PVALEF: variants seen among roughly 807,000 people sequenced by gnomAD.
The protein encoded by PVALEF is parvalbumin like EF-hand containing.
Under a neutral mutation model 1.2 loss-of-function variants are expected in PVALEF, and 2 were observed. The ratio of observed to expected loss-of-function variants is 1.68; its 90% CI spans 0.69 to 5.28. PVALEF has a LOEUF of 5.28. Ranked by LOEUF, PVALEF falls within the 30% of genes most tolerant of loss-of-function variation. The pLI is 0.06. For missense variants in PVALEF, 35 were observed against 17.7 expected, an observed-to-expected ratio of 1.97 and a Z score of -1.75; for synonymous variants, 16 against 6.5, an observed-to-expected ratio of 2.47 and a Z score of -2.24.
intron 3 of PVALEF, 87 bp from the exon 4 acceptor site, chr17:81,181,036 C>G: frequency 1.9e-6 from 1 of 540,352 alleles, no homozygotes; most frequent in Non-Finnish European, 3.3e-6. Context: ...GCCCAGACCC[C>G]CACCTGCCTG....
At chr17:81,167,315 A>C (rs1467705961) in intron 2 of PVALEF, among the ~76,000 whole-genome samples, 1 of 151,820 alleles carries the variant, frequency 6.6e-6, no homozygotes, top group African/African-American at 2.4e-5. Context: ...GGAGACTTGC[A>C]GTTGAGTTTG....
intron 1 of PVALEF, 80 bp downstream of exon 1, chr17:81,165,827 G>A (rs2061482260): frequency 2.6e-6 from 4 of 1,512,690 alleles, no homozygotes; most frequent in African/African-American, 1.4e-5. Context: ...GCTGGGCTCG[G>A]GGCGGGGAAA....
chr17:81,178,547 A>C (rs900798189), intron 2 of PVALEF, among the ~76,000 whole-genome samples: 42 of 151,660 alleles, frequency 2.8e-4, no homozygotes, highest in African/African-American at 1.0e-3. Context: ...CCCCACCCCC[A>C]CCGGCCTGCA....
rs74459181 is a variant in PVALEF at position 81,181,712 on chromosome 17, C to T, written c.242+18C>T. 3 of 399,782 alleles carry T rather than the reference C, an allele frequency of 7.5e-6. No individual in the cohort carries two copies. Among genetic ancestry groups the T allele is most frequent in the Non-Finnish European group, 1.3e-5 (3 of 226,932 alleles). The allele number at this position is 399,782 out of a possible 1,614,324, so 24.8% of individuals were successfully genotyped here. ...GAGATCAAGTAATGGCTGGCGGCCA[C>T]GGAGGGGTGGGGCCCAGGCCACCCA... On this transcript the variant is annotated intron_variant, in intron 5 of 6. Coordinates refer to ENST00000637878, the MANE Select transcript of PVALEF (RefSeq NM_001354639.2).
chr17:81,170,467 C>T (rs2061517171), intron 2 of PVALEF, among the ~76,000 whole-genome samples: 1 of 152,064 alleles, frequency 6.6e-6, no homozygotes, highest in Non-Finnish European at 1.5e-5. Context: ...GCTGCAAGGA[C>T]CCTACTTCCA....
At chr17:81,182,420 G>A (rs895590119) in intron 6 of PVALEF, among the ~76,000 whole-genome samples, 1 of 152,226 alleles carries the variant, frequency 6.6e-6, no homozygotes, top group African/African-American at 2.4e-5. Flanking sequence ...AACCCCAGTG[G>A]CTGGCCACAG....
chr17:81,166,029 G>T lies in PVALEF; in HGVS notation c.-508+282G>T, dbSNP rs772031023. 16 of 1,501,920 alleles carry T rather than the reference G, an allele frequency of 1.1e-5. 1 individual carries two copies. Among genetic ancestry groups the T allele is most frequent in the Non-Finnish European group, 1.3e-5 (15 of 1,124,106 alleles). 93.0% of individuals were successfully genotyped at this position (1,501,920 alleles called of 1,614,324 possible). A position where few individuals can be genotyped will look rare whatever the true frequency, so the allele number is the denominator to read the frequency against. On this transcript the variant is annotated intron_variant, in intron 1 of 6. Coordinates refer to ENST00000637878, the MANE Select transcript of PVALEF (RefSeq NM_001354639.2). ...CGGCCGGCGGGCATCCCGGGAGGGC[G>T]CTGCGCTCAGGACGCCCGCGGCCCC... is the stretch of plus-strand genomic sequence containing the variant.
Position 81,165,727 on chromosome 17 carries a change from C to A in PVALEF, c.-528C>A, listed in dbSNP as rs1174590595. On this transcript the variant is annotated 5_prime_UTR_variant, in exon 1 of 7. Transcript: ENST00000637878. ...CGGAGTCACGACCACGCGGGGGACG[C>A]CAGCCCACAGGCGGAGGCCGGTTTG... 2 of 1,523,526 alleles carry A rather than the reference C, an allele frequency of 1.3e-6. No individual in the cohort carries two copies. Among genetic ancestry groups the A allele is most frequent in the Non-Finnish European group, 1.8e-6 (2 of 1,137,726 alleles). The allele number at this position is 1,523,526 out of a possible 1,614,324, so 94.4% of individuals were successfully genotyped here.
At chr17:81,170,155 TGTG>T (rs568986011) in intron 2 of PVALEF, among the ~76,000 whole-genome samples, 147 of 150,246 alleles carry the variant, frequency 9.8e-4, no homozygotes, top group Admixed American at 2.8e-3. Flanking sequence ...TGTGTGCATA[TGTG>T]GTGTGTGTGC....
intron 6 of PVALEF, 33 bp from the exon 7 acceptor site, chr17:81,182,932 G>A (rs2061559762): frequency 4.3e-5 from 17 of 398,514 alleles, no homozygotes; most frequent in Admixed American, 2.2e-4. Flanking sequence ...CACAAAACAG[G>A]GGTACTTACT....
intron 2 of PVALEF, among the ~76,000 whole-genome samples, chr17:81,173,149 G>C (rs1030695846): frequency 6.6e-6 from 1 of 152,164 alleles, no homozygotes; most frequent in African/African-American, 2.4e-5. Context: ...AGATGCCGGC[G>C]AGGGGAGAGG....
chr17:81,177,442 G>C (rs2061539446), intron 2 of PVALEF, among the ~76,000 whole-genome samples: 1 of 151,796 alleles, frequency 6.6e-6, no homozygotes, highest in Non-Finnish European at 1.5e-5. Context: ...CAGCTACTTG[G>C]GAGTTTGAGA....
At chr17:81,172,938 C>A (rs895264224) in intron 2 of PVALEF, among the ~76,000 whole-genome samples, 1 of 151,940 alleles carries the variant, frequency 6.6e-6, no homozygotes, top group African/African-American at 2.4e-5. Flanking sequence ...GGCAGAAACC[C>A]GCACGAAGGA....
intron 2 of PVALEF, among the ~76,000 whole-genome samples, chr17:81,170,978 C>A (rs1248150319): frequency 6.6e-6 from 1 of 152,196 alleles, no homozygotes; most frequent in Non-Finnish European, 1.5e-5. Flanking sequence ...CAGCTGGTGC[C>A]TCTTAGCCTC....
At chr17:81,182,300 G>C (rs745659831) in intron 6 of PVALEF, among the ~76,000 whole-genome samples, 1 of 152,364 alleles carries the variant, frequency 6.6e-6, no homozygotes, top group Non-Finnish European at 1.5e-5. Context: ...AACTGTGGCA[G>C]AGCCAGCGGG....
chr17:81,181,925 C>T (rs930037571), intron 5 of PVALEF, 41 bp from the exon 6 acceptor site: 9 of 398,336 alleles, frequency 2.3e-5, no homozygotes, highest in South Asian at 1.3e-4. Flanking sequence ...GGGCACTGGC[C>T]GGAAGCCCCT....
At chr17:81,170,871 C>A (rs1251882003) in intron 2 of PVALEF, among the ~76,000 whole-genome samples, 1 of 152,122 alleles carries the variant, frequency 6.6e-6, no homozygotes, top group Non-Finnish European at 1.5e-5. Context: ...TGGGCCCCTC[C>A]AGCCCCAGCC....
intron 2 of PVALEF, among the ~76,000 whole-genome samples, chr17:81,169,164 C>T (rs958487138): frequency 2.6e-5 from 4 of 152,140 alleles, no homozygotes; most frequent in Non-Finnish European, 4.4e-5. Flanking sequence ...GGGCACAGGG[C>T]GTCTTCCTGG....
chr17:81,167,181 T>C (rs2061499769), intron 2 of PVALEF, among the ~76,000 whole-genome samples: 1 of 152,192 alleles, frequency 6.6e-6, no homozygotes, highest in Non-Finnish European at 1.5e-5. Context: ...TAGTCTCAGC[T>C]ACTTGGGAGG....
Sources: allele counts gnomAD v4.1 joint callset (sites outside exome capture counted in the v4.1 genomes callset), GRCh38; gene constraint gnomAD v4.1.1; transcripts MANE v1.5; gene names NCBI Gene and HGNC (gene_info 2026-07-23, HGNC 2026-07-21).